Variants in SPTB observed in about 807,000 individuals in gnomAD.
SPTB encodes the protein spectrin beta, erythrocytic.
Under a neutral mutation model 256.2 loss-of-function variants are expected in SPTB, and 45 were observed. The observed-to-expected ratio is 0.18, with a 90% CI of 0.14 to 0.23. The LOEUF (loss-of-function observed/expected upper bound fraction) is 0.23. SPTB is among the 10% of genes least tolerant of loss of function. The pLI, the probability that SPTB is intolerant of heterozygous loss-of-function variation, is 1.00. For synonymous variants in SPTB, 1,231 were observed against 1,243.1 expected (o/e 0.99, Z 0.21); for missense variants, 2,715 against 3,040.4 (o/e 0.89, Z 2.52).
At chr14:64,755,721 G>C (rs2082008770) in intron 32 of SPTB, 1 of 152,140 alleles carries the variant, frequency 6.6e-6, no homozygotes, top group Admixed American at 6.6e-5. Context: ...TATGAGCAGA[G>C]AGGAGGGGAA....
At position 64,841,533 on chromosome 14, in the gene SPTB, C is replaced by T. The variant is rs1246034992; in HGVS notation, c.-51-18388G>A. On this transcript the variant is annotated intron_variant, in intron 1 of 35. Transcript: ENST00000644917. The surrounding 1 kb of genome is among the most constrained non-coding windows in gnomAD (Gnocchi z 4.6). ...TTCAGGGTCACAGCTAATCCACGCC[C>T]TGAGATTTCAAAACACAGAATGCAC... Among the ~76,000 whole-genome samples the T allele has an allele frequency of 6.6e-6, 1 of 152,208 alleles. No individual in the cohort carries two copies. The highest frequency in any genetic ancestry group is 1.5e-5 in the Non-Finnish European group (1 of 68,044).
Position 64,853,655 on chromosome 14 carries a change from C to G in SPTB, c.-52+26137G>C, listed in dbSNP as rs2139781274. ...GTATGGGGCTTTGAGGGGGAGCAGA[C>G]AGGCATGCAGGGCCAAGGGACAGTT... On this transcript the variant is annotated intron_variant, in intron 1 of 35. Transcript: ENST00000644917. The surrounding 1 kb of genome is among the most constrained non-coding windows in gnomAD (Gnocchi z 4.3). Among the ~76,000 whole-genome samples, 1 of 152,246 alleles carries G rather than the reference C, an allele frequency of 6.6e-6. No homozygotes were observed. The highest frequency in any genetic ancestry group is 2.1e-4 in the South Asian group (1 of 4,820).
At chr14:64,839,160 A>G (rs1350388284) in intron 1 of SPTB, among the ~76,000 whole-genome samples, 2 of 152,230 alleles carry the variant, frequency 1.3e-5, no homozygotes, top group Admixed American at 6.5e-5. Context: ...GCAAATATTT[A>G]TAGTGGCTTT....
chr14:64,875,926 T>G (rs1420284869), intron 1 of SPTB, among the ~76,000 whole-genome samples: 1 of 152,214 alleles, frequency 6.6e-6, no homozygotes, highest in Non-Finnish European at 1.5e-5. Context: ...ATTCTATAAT[T>G]TTAAAATTCC....
Position 64,793,684 on chromosome 14 carries a change from T to C in SPTB, c.1979A>G (p.Tyr660Cys), listed in dbSNP as rs375659876. ...GTCTTTGCCATAGTCCAGGGAAGAA[T>C]AGATCTGCTCCTTCTCCTTGATCCA... ...ESWIKEKEQIYSSLDYGKDLT... is the reference protein window; with the variant it reads ...ESWIKEKEQICSSLDYGKDLT... Residue 660 changes from tyrosine (Y) to cysteine (C), a missense_variant, in exon 14 of 36, where the codon TAT becomes TGT. Coordinates refer to ENST00000644917, the MANE Select transcript of SPTB (RefSeq NM_001355436.2). This position sits in a 1 kb window ranked among gnomAD's most constrained non-coding sequence, Gnocchi z 7.0. 13 of 1,614,148 alleles carry C rather than the reference T, an allele frequency of 8.1e-6. No homozygotes were observed. The highest frequency in any genetic ancestry group is 3.3e-5 in the South Asian group (3 of 91,090).
chr14:64,862,643 G>A (rs1202783079), intron 1 of SPTB, among the ~76,000 whole-genome samples: 1 of 152,018 alleles, frequency 6.6e-6, no homozygotes, highest in Non-Finnish European at 1.5e-5. Flanking sequence ...GGAGGCCGAG[G>A]TGGGCAGATA....
Position 64,766,372 on chromosome 14 carries a change from T to A in SPTB, c.6345+354A>T, listed in dbSNP as rs1027160397. On this transcript the variant is annotated intron_variant, in intron 32 of 35. Transcript: ENST00000644917. ...TTGGAAAATGGGGAAAAGGACGGTG[T>A]ACAGAAATGCACTAATCATCTCTGG... The A allele has an allele frequency of 3.9e-6, 5 of 1,298,194 alleles. No individual in the cohort carries two copies. The African/African-American group carries it at 7.5e-5, about 19-fold the overall frequency. 80.4% of individuals were successfully genotyped at this position (1,298,194 alleles called of 1,614,324 possible).
chr14:64,759,250 A>AGGCAGGGAGCCAAGTAGCTG lies in SPTB; in HGVS notation c.6346-5477_6346-5458dup, dbSNP rs1473996357. ...TGGGAAGGCAGGGAGCCAAGTAGCT[A>AGGCAGGGAGCCAAGTAGCTG]GGCAGGGAGCCAAGTAGCTGGGCAG... On this transcript the variant is annotated intron_variant, in intron 32 of 35. Coordinates refer to ENST00000644917, the MANE Select transcript of SPTB (RefSeq NM_001355436.2). This position sits in a 1 kb window ranked among gnomAD's most constrained non-coding sequence, Gnocchi z 4.8. Among the ~76,000 whole-genome samples, 1 of 109,148 alleles carries AGGCAGGGAGCCAAGTAGCTG rather than the reference A, an allele frequency of 9.2e-6. No individual in the cohort carries two copies. The highest frequency in any genetic ancestry group is 4.1e-5 in the African/African-American group (1 of 24,566). The allele number at this position is 109,148 out of a possible 152,430, so 71.6% of individuals were successfully genotyped here.
chr14:64,830,519 A>G (rs2083438706), intron 1 of SPTB, among the ~76,000 whole-genome samples: 1 of 151,768 alleles, frequency 6.6e-6, no homozygotes, highest in Non-Finnish European at 1.5e-5. Flanking sequence ...TGACCCACGC[A>G]CTCAGTTATC....
chr14:64,785,611 C>T lies in SPTB; in HGVS notation c.3781G>A (p.Glu1261Lys), dbSNP rs746933929. ...LIEDRHRKNN[E>K]KAQEASVLLR... ...AGGACAGAGGCCTCCTGGGCCTTCT[C>T]GTTGTTCTTCCTGTGCCTGGAAAGG... Residue 1261 changes from glutamate to lysine, a missense_variant, in exon 18 of 36, where the codon GAG (glutamate) becomes AAG (lysine). This residue lies in a region of SPTB where 2,239 missense variants were observed against 2,384.4 expected (regional missense o/e 0.94). Coordinates refer to ENST00000644917, the MANE Select transcript of SPTB (RefSeq NM_001355436.2). This position sits in a 1 kb window ranked among gnomAD's most constrained non-coding sequence, Gnocchi z 4.4. 1.7e-5 allele frequency: 27 copies of T among 1,613,988 alleles called. No homozygotes were observed. The Admixed American group carries it at 2.2e-4, about 13-fold the overall frequency.
chr14:64,810,467 G>T (rs2083067077), intron 2 of SPTB, among the ~76,000 whole-genome samples: 1 of 152,186 alleles, frequency 6.6e-6, no homozygotes, highest in African/African-American at 2.4e-5. Flanking sequence ...ATCACTTTGG[G>T]TCAGGAGTTC....
chr14:64,804,853 A>G (rs2082952318), intron 3 of SPTB, 86 bp downstream of exon 3: 1 of 1,562,808 alleles, frequency 6.4e-7, no homozygotes, highest in Non-Finnish European at 8.8e-7. Flanking sequence ...TGGGAAGGCC[A>G]GGAGAACTTG....
Position 64,760,017 on chromosome 14 carries a change from G to A in SPTB, c.6346-6224C>T, listed in dbSNP as rs2082070453. The stretch of plus-strand genomic sequence containing the variant: ...ATCATGACATCAGAGGAGGGCAGGG[G>A]ACAAGCAGCATTGGTTGCTGGTTGA... On this transcript the variant is annotated intron_variant, in intron 32 of 35. Coordinates refer to ENST00000644917, the MANE Select transcript of SPTB (RefSeq NM_001355436.2). This position sits in a 1 kb window ranked among gnomAD's most constrained non-coding sequence, Gnocchi z 4.3. Among the ~76,000 whole-genome samples, 2 of 152,144 alleles carry A rather than the reference G, an allele frequency of 1.3e-5. No homozygotes were observed. Among genetic ancestry groups the A allele is most frequent in the Non-Finnish European group, 2.9e-5 (2 of 68,014 alleles).
intron 32 of SPTB, among the ~76,000 whole-genome samples, chr14:64,761,808 T>C (rs1200267357): frequency 6.6e-6 from 1 of 152,118 alleles, no homozygotes; most frequent in Non-Finnish European, 1.5e-5. Context: ...CCACTCAGCA[T>C]TTGAAAGATT....
chr14:64,753,191 C>G (rs1205404205), intron 33 of SPTB, among the ~76,000 whole-genome samples: 1 of 152,180 alleles, frequency 6.6e-6, no homozygotes, highest in Non-Finnish European at 1.5e-5. Context: ...AGGATAATAA[C>G]AGCTAGTGTT....
In SPTB at chr14:64,786,610, G is replaced by A. The variant is rs747335265; in HGVS notation, c.3355C>T (p.Arg1119Cys). The change falls in exon 16 of 36, where the codon CGT (arginine) becomes TGT (cysteine). Residue 1119 changes from arginine (R) to cysteine (C), a missense_variant. Around this residue, in one of 4 missense-constraint regions of SPTB, gnomAD observed 2,239 missense variants for 2,384.4 expected, o/e 0.94. Transcript: ENST00000644917. The surrounding 1 kb of genome is among the most constrained non-coding windows in gnomAD (Gnocchi z 5.6). ...ACTTTCTCCCCAGACTCCTTAACAC[G>A]CTGGTAGCTGTCTTGGTGCCCGTCA... The part of the protein sequence containing the change: ...EIDGHQDSYQ[R>C]VKESGEKVIQ... 5.6e-6 allele frequency: 9 copies of A among 1,614,026 alleles called. No individual in the cohort carries two copies. Among genetic ancestry groups the A allele is most frequent in the Admixed American group, 1.7e-5 (1 of 60,006 alleles).
chr14:64,802,308 T>C lies in SPTB; in HGVS notation c.484A>G (p.Ile162Val), dbSNP rs1301821602. 1 of 1,614,184 alleles carries C rather than the reference T, an allele frequency of 6.2e-7. No individual in the cohort carries two copies. The highest frequency in any genetic ancestry group is 8.5e-7 in the Non-Finnish European group (1 of 1,180,022). Residue 162 changes from isoleucine (I) to valine (V), a missense_variant, in exon 5 of 36, where the codon ATT becomes GTT. By Grantham distance (29) the Ile-to-Val change is conservative (BLOSUM62 3). Transcript: ENST00000644917. The surrounding 1 kb of genome is among the most constrained non-coding windows in gnomAD (Gnocchi z 5.1). ...TIILRFQIQDIVVQTQEGRET... is the reference protein window; with the variant it reads ...TIILRFQIQDVVVQTQEGRET... Reference sequence around the variant, plus strand: ...CGACCTTCCTGAGTTTGGACCACAATGTCCTGAATCTGAGGGTAGCAGAAC... The same window carrying C: ...CGACCTTCCTGAGTTTGGACCACAACGTCCTGAATCTGAGGGTAGCAGAAC...
At chr14:64,811,393 T>C (rs909698146) in intron 2 of SPTB, among the ~76,000 whole-genome samples, 2 of 152,218 alleles carry the variant, frequency 1.3e-5, no homozygotes, top group African/African-American at 2.4e-5. Flanking sequence ...AATCTAATAA[T>C]GGTCCTTAAT....
chr14:64,753,440 C>T lies in SPTB; in HGVS notation c.6602+97G>A, dbSNP rs2081978629. On this transcript the variant is annotated intron_variant, in intron 33 of 35. Coordinates refer to ENST00000644917, the MANE Select transcript of SPTB (RefSeq NM_001355436.2). The stretch of plus-strand genomic sequence containing the variant: ...ACAGGCCAAGGCAGAAGGCACCCCT[C>T]CCCCAGCACATGCCCATGTCACCAA... 3.8e-6 allele frequency: 6 copies of T among 1,587,624 alleles called. No individual in the cohort carries two copies. The East Asian group carries it at 1.3e-4, about 36-fold the overall frequency.
Sources: allele counts gnomAD v4.1 joint callset (sites outside exome capture counted in the v4.1 genomes callset), GRCh38; gene constraint gnomAD v4.1.1; regional missense constraint gnomAD v4.1.1; non-coding constraint Gnocchi (gnomAD v3.1); transcripts MANE v1.5; gene names NCBI Gene and HGNC (gene_info 2026-07-23, HGNC 2026-07-21).